The following TRPC4AP variants were observed in gnomAD, a reference collection of about 807,000 sequenced individuals.
TRPC4AP encodes short transient receptor potential channel 4-associated protein.
In TRPC4AP, 45 loss-of-function variants were observed where a neutral mutation model predicts 99.0. The observed-to-expected ratio is 0.45, with a 90% CI of 0.36 to 0.58. TRPC4AP has a LOEUF of 0.58. Among genes scored for constraint, TRPC4AP ranks in the 20% least tolerant of loss-of-function variants. The pLI is 0.00. For missense variants in TRPC4AP, 879 were observed against 985.3 expected (o/e 0.89, Z 1.44); for synonymous variants, 408 against 385.8 (o/e 1.06, Z -0.67).
intron 2 of TRPC4AP, among the ~76,000 whole-genome samples, chr20:35,073,118 T>C (rs1046613909): frequency 2.0e-4 from 31 of 152,350 alleles, no homozygotes; most frequent in Middle Eastern, 3.4e-3. Flanking sequence ...CTTTTGCACA[T>C]TGATTTTGTA....
chr20:35,065,981 A>G (rs2084134278), intron 3 of TRPC4AP, among the ~76,000 whole-genome samples: 1 of 152,190 alleles, frequency 6.6e-6, no homozygotes, highest in South Asian at 2.1e-4. Flanking sequence ...GCAGTTAAAG[A>G]AGAAAGGCTG....
chr20:35,077,888 T>A (rs976979303), intron 2 of TRPC4AP, among the ~76,000 whole-genome samples, 158 bp downstream of exon 2: 1 of 152,192 alleles, frequency 6.6e-6, no homozygotes, highest in South Asian at 2.1e-4. Flanking sequence ...ATGTATATTT[T>A]CTTCTTTGTA....
chr20:35,075,092 T>C (rs2084436586), intron 2 of TRPC4AP, among the ~76,000 whole-genome samples: 1 of 152,010 alleles, frequency 6.6e-6, no homozygotes, highest in South Asian at 2.1e-4. Context: ...CTGCTTTTTT[T>C]TTTGTTTTCC....
chr20:35,060,568 CAG>C (rs1344937680), intron 3 of TRPC4AP, among the ~76,000 whole-genome samples: 2 of 108,314 alleles, frequency 1.8e-5, no homozygotes, highest in African/African-American at 7.4e-5. Flanking sequence ...GCCTGGGTGA[CAG>C]AGAGACCTTG....
At chr20:35,031,329 T>G (rs2083187936) in intron 8 of TRPC4AP, among the ~76,000 whole-genome samples, 1 of 151,410 alleles carries the variant, frequency 6.6e-6, no homozygotes. Context: ...TTGAGGTGAT[T>G]GTCCCATCTC....
intron 1 of TRPC4AP, among the ~76,000 whole-genome samples, chr20:35,079,393 A>C (rs750930762): frequency 6.6e-5 from 10 of 152,220 alleles, no homozygotes; most frequent in Non-Finnish European, 1.0e-4. Flanking sequence ...GAAAGCAGTA[A>C]TAAGCCAGAA....
At chr20:35,012,351 G>T (rs1257785963) in intron 11 of TRPC4AP, among the ~76,000 whole-genome samples, 2 of 152,186 alleles carry the variant, frequency 1.3e-5, no homozygotes, top group Non-Finnish European at 1.5e-5. Context: ...GAAAAAATCA[G>T]AAGTTATGCA....
intron 3 of TRPC4AP, among the ~76,000 whole-genome samples, chr20:35,061,164 A>T (rs575277209): frequency 4.7e-4 from 71 of 152,346 alleles, no homozygotes; most frequent in African/African-American, 1.6e-3. Flanking sequence ...TATGTGATCA[A>T]TATACATAAA....
At chr20:35,075,147 G>C (rs1000133228) in intron 2 of TRPC4AP, among the ~76,000 whole-genome samples, 1 of 151,492 alleles carries the variant, frequency 6.6e-6, no homozygotes, top group Non-Finnish European at 1.5e-5. Flanking sequence ...TTGAGCCTAT[G>C]TGTGTCTCTG....
chr20:35,049,722 T>C, intron 6 of TRPC4AP, 144 bp downstream of exon 6: 3 of 907,550 alleles, frequency 3.3e-6, no homozygotes, highest in Non-Finnish European at 4.7e-6. Context: ...TAAGGGGTAA[T>C]CAAGTTTTAT....
At chr20:35,005,623 C>T in intron 16 of TRPC4AP, 72 bp downstream of exon 16, 1 of 1,411,090 alleles carries the variant, frequency 7.1e-7, no homozygotes, top group Non-Finnish European at 1.0e-6. Context: ...TGTCTCCCTG[C>T]TGGAGACAGG....
chr20:35,038,752 T>C (rs1246959023), intron 7 of TRPC4AP, among the ~76,000 whole-genome samples: 3 of 143,240 alleles, frequency 2.1e-5, no homozygotes, highest in Non-Finnish European at 4.6e-5. Flanking sequence ...TTAAAAAAAA[T>C]TTTAGGTGTG....
At chr20:35,005,942 A>T in intron 15 of TRPC4AP, 139 bp from the exon 16 acceptor site, 1 of 694,754 alleles carries the variant, frequency 1.4e-6, no homozygotes, top group African/African-American at 1.8e-5. Flanking sequence ...AGGCTCAGAT[A>T]AGCTGAGGGA....
intron 2 of TRPC4AP, among the ~76,000 whole-genome samples, chr20:35,074,962 A>G (rs1387121619): frequency 2.0e-5 from 3 of 152,192 alleles, no homozygotes; most frequent in Non-Finnish European, 4.4e-5. Context: ...GGGTACATAC[A>G]TATTTAGGAT....
chr20:35,024,825 CAA>C lies in TRPC4AP; in HGVS notation c.1052-3471_1052-3470del, dbSNP rs778161091. ...CCTAGGTGACAGAGAGAGACCGTCT[CAA>C]AAAAAAAAAAAAAAAAAAAAAAAAA... On this transcript the variant is annotated intron_variant, in intron 8 of 18. Transcript: ENST00000252015. Among the ~76,000 whole-genome samples, 105 of 35,862 alleles carry C rather than the reference CAA, an allele frequency of 2.9e-3. 22 individuals are homozygous for C. In the Admixed American group the frequency reaches 0.031, roughly 11 times the overall value. 23.5% of individuals were successfully genotyped at this position (35,862 alleles called of 152,430 possible). A position where few individuals can be genotyped will look rare whatever the true frequency, so the allele number is the denominator to read the frequency against.
intron 3 of TRPC4AP, among the ~76,000 whole-genome samples, chr20:35,063,145 C>T (rs141132015): frequency 1.2e-3 from 178 of 152,342 alleles, no homozygotes; most frequent in Non-Finnish European, 2.1e-3. Context: ...TTATAAGTGT[C>T]TGGCATTTCC....
At position 35,021,370 on chromosome 20, in the gene TRPC4AP, C is replaced by T. The variant is rs759774833; in HGVS notation, c.1052-14G>A. ...ACACAATGGAGGCTGACACAGCCAC[C>T]GGAGACAGGATTGAGTCACAGCTTG... On this transcript the variant is annotated splice_polypyrimidine_tract_variant and intron_variant, in intron 8 of 18. Coordinates refer to ENST00000252015, the MANE Select transcript of TRPC4AP (RefSeq NM_015638.3). 14 of 1,611,722 alleles carry T rather than the reference C, an allele frequency of 8.7e-6. No individual in the cohort carries two copies. The highest frequency in any genetic ancestry group is 6.7e-5 in the East Asian group (3 of 44,782).
At chr20:35,025,152 TTGA>T (rs1170284128) in intron 8 of TRPC4AP, among the ~76,000 whole-genome samples, 5 of 152,302 alleles carry the variant, frequency 3.3e-5, no homozygotes, top group Admixed American at 1.3e-4. Context: ...TCCACCTTTT[TTGA>T]TGATAACCAT....
chr20:35,039,333 T>C (rs1389736258), intron 7 of TRPC4AP, among the ~76,000 whole-genome samples: 1 of 152,208 alleles, frequency 6.6e-6, no homozygotes, highest in Non-Finnish European at 1.5e-5. Flanking sequence ...CTTGAGCTGT[T>C]GTGAGTCACT....
Sources: allele counts gnomAD v4.1 joint callset (sites outside exome capture counted in the v4.1 genomes callset), GRCh38; gene constraint gnomAD v4.1.1; transcripts MANE v1.5; gene names NCBI Gene and HGNC (gene_info 2026-07-23, HGNC 2026-07-21).